Variants in AGBL1 observed in about 807,000 individuals in gnomAD.
The protein encoded by AGBL1 is cytosolic carboxypeptidase 4.
AGBL1 carries 130 observed loss-of-function variants against 118.9 expected under a neutral mutation model. The ratio of observed to expected loss-of-function variants is 1.09; its 90% CI spans 0.95 to 1.26. The LOEUF is 1.26. Among genes scored for constraint, AGBL1 ranks in the 50% most tolerant of loss-of-function variants. AGBL1 has a pLI of 0.00. For synonymous variants in AGBL1, 555 were observed against 478.9 expected, an observed-to-expected ratio of 1.16 and a Z score of -2.08; for missense variants, 1,584 against 1,298.1, an observed-to-expected ratio of 1.22 and a Z score of -3.38.
At chr15:86,506,469 C>T (rs542265135) in intron 18 of AGBL1, among the ~76,000 whole-genome samples, 5 of 152,044 alleles carry the variant, frequency 3.3e-5, no homozygotes, top group East Asian at 3.9e-4. Context: ...TGTTTCCATT[C>T]GGGAAGATTT....
chr15:86,120,951 C>T (rs1898059836), intron 1 of AGBL1, among the ~76,000 whole-genome samples: 1 of 151,308 alleles, frequency 6.6e-6, no homozygotes, highest in Non-Finnish European at 1.5e-5. Context: ...GGCTGGAGTG[C>T]AGTGGCATGA....
intron 5 of AGBL1, among the ~76,000 whole-genome samples, chr15:86,223,714 G>T (rs930447924): frequency 2.6e-5 from 4 of 152,160 alleles, no homozygotes; most frequent in Admixed American, 1.3e-4. Flanking sequence ...TTGCACAGGG[G>T]CCTGTGAATT....
rs189755496 is a variant in AGBL1, at chr15:86,213,013, C to T, written c.489-11901C>T. Among the ~76,000 whole-genome samples the T allele has an allele frequency of 2.9e-4, 44 of 152,252 alleles. 1 individual carries two copies. The East Asian group carries it at 8.3e-3, about 29-fold the overall frequency. On this transcript the variant is annotated intron_variant, in intron 5 of 22. Coordinates refer to ENST00000614907, the MANE Select transcript of AGBL1 (RefSeq NM_001386094.1). ...TAATGACGATCTTAATTTCTAAACA[C>T]TACAAGGATTCTGGGAATCATAAAT...
chr15:86,528,049 G>A (rs2083290518), intron 19 of AGBL1, among the ~76,000 whole-genome samples: 2 of 152,194 alleles, frequency 1.3e-5, no homozygotes, highest in South Asian at 4.1e-4. Context: ...GGTGCTACGT[G>A]TCAGGGATAC....
intron 18 of AGBL1, among the ~76,000 whole-genome samples, chr15:86,412,734 A>G (rs538168139): frequency 1.3e-5 from 2 of 152,314 alleles, no homozygotes; most frequent in Admixed American, 6.5e-5. Context: ...CAAAATTTAG[A>G]CACAGTTACT....
rs1348888015 is a variant in AGBL1, at chr15:86,827,304, T to TATATATACATATATAC, written c.3159-79776_3159-79775insCATATATACATATATA. Among the ~76,000 whole-genome samples, 2 of 12,026 alleles carry TATATATACATATATAC rather than the reference T, an allele frequency of 1.7e-4. 1 individual carries two copies. Among genetic ancestry groups the TATATATACATATATAC allele is most frequent in the East Asian group, 0.14 (2 of 14 alleles). The allele number at this position is 12,026 out of a possible 152,430, so 7.9% of individuals were successfully genotyped here. ...ATGGGTGTGTATGTATATATATATG[T>TATATATACATATATAC]ATATATATATATACACACACATATA... On this transcript the variant is annotated intron_variant, in intron 22 of 22. Transcript: ENST00000614907.
chr15:86,947,852 T>C (rs561696531), intron 23 of AGBL1, among the ~76,000 whole-genome samples: 1 of 152,338 alleles, frequency 6.6e-6, no homozygotes, highest in Admixed American at 6.5e-5. Context: ...TTTTTTCCTT[T>C]AGATTTTACA....
At chr15:86,201,792 T>G (rs895257967) in intron 5 of AGBL1, among the ~76,000 whole-genome samples, 1 of 152,206 alleles carries the variant, frequency 6.6e-6, no homozygotes, top group Non-Finnish European at 1.5e-5. Context: ...GGAGCTTCAG[T>G]AACTGAATCT....
chr15:86,675,179 G>A (rs1384152392), intron 22 of AGBL1, among the ~76,000 whole-genome samples: 1 of 152,172 alleles, frequency 6.6e-6, no homozygotes, highest in Non-Finnish European at 1.5e-5. Context: ...CCCACACTTT[G>A]AGTGTCAGAA....
At chr15:86,683,497 A>G (rs1017630492) in intron 22 of AGBL1, among the ~76,000 whole-genome samples, 4 of 152,126 alleles carry the variant, frequency 2.6e-5, no homozygotes, top group African/African-American at 9.7e-5. Flanking sequence ...AATAATGCCT[A>G]TTTTACAAGT....
At chr15:86,845,220 C>T (rs962116955) in intron 22 of AGBL1, among the ~76,000 whole-genome samples, 2 of 152,018 alleles carry the variant, frequency 1.3e-5, no homozygotes, top group Non-Finnish European at 2.9e-5. Flanking sequence ...TATATCACTT[C>T]GAATGTATAA....
At chr15:86,436,866 C>T (rs1378959719) in intron 18 of AGBL1, among the ~76,000 whole-genome samples, 1 of 152,088 alleles carries the variant, frequency 6.6e-6, no homozygotes, top group Non-Finnish European at 1.5e-5. Context: ...AACTACAGGG[C>T]AATAAAGAGT....
At chr15:86,766,212 C>A (rs906794601) in intron 22 of AGBL1, among the ~76,000 whole-genome samples, 1 of 151,882 alleles carries the variant, frequency 6.6e-6, no homozygotes, top group African/African-American at 2.4e-5. Context: ...AAGAGTCAAA[C>A]CCAAGTGGTG....
chr15:86,256,771 C>A, intron 7 of AGBL1, 82 bp from the exon 8 acceptor site: 1 of 1,435,816 alleles, frequency 7.0e-7, no homozygotes, highest in Non-Finnish European at 9.5e-7. Context: ...TGTGTTACAG[C>A]TTGGAGAGTG....
chr15:86,206,268 A>G (rs1403395777), intron 5 of AGBL1, among the ~76,000 whole-genome samples: 1 of 152,226 alleles, frequency 6.6e-6, no homozygotes, highest in Non-Finnish European at 1.5e-5. Context: ...ATGTTGCATT[A>G]AACATACATG....
chr15:86,355,948 G>C lies in AGBL1; in HGVS notation c.2375-41418G>C, dbSNP rs1479024520. 2.6e-5 allele frequency among the ~76,000 whole-genome samples: 4 copies of C among 152,144 alleles called. No individual in the cohort carries two copies. The East Asian group carries it at 7.7e-4, about 29-fold the overall frequency. On this transcript the variant is annotated intron_variant, in intron 17 of 22. Coordinates refer to ENST00000614907, the MANE Select transcript of AGBL1 (RefSeq NM_001386094.1). ...ATAAGAATTTAATGATGCACTCATGGGAGCCACCACTCTGCTTGCCTGTCT... is the reference window on the plus strand; with the variant it reads ...ATAAGAATTTAATGATGCACTCATGCGAGCCACCACTCTGCTTGCCTGTCT...
intron 17 of AGBL1, among the ~76,000 whole-genome samples, chr15:86,332,778 C>A (rs2080294987): frequency 6.6e-6 from 1 of 151,966 alleles, no homozygotes; most frequent in Non-Finnish European, 1.5e-5. Flanking sequence ...ACAGAGTATA[C>A]TCCAAGATCG....
intron 18 of AGBL1, among the ~76,000 whole-genome samples, chr15:86,486,812 C>T (rs560058975): frequency 5.7e-4 from 86 of 152,092 alleles, no homozygotes; most frequent in Non-Finnish European, 9.9e-4. Flanking sequence ...CTCAGCTGTG[C>T]CCATCTACAT....
At chr15:86,674,143 C>G in intron 21 of AGBL1, 130 bp from the exon 22 acceptor site, 1 of 905,382 alleles carries the variant, frequency 1.1e-6, no homozygotes, top group Admixed American at 2.4e-5. Context: ...TGGACAGTGA[C>G]TGACAAATAC....
Sources: gnomAD v4.1 joint callset for allele counts (sites outside exome capture counted in the v4.1 genomes callset) on GRCh38, gnomAD v4.1.1 for gene constraint, MANE v1.5 for transcripts, NCBI Gene and HGNC (gene_info 2026-07-23, HGNC 2026-07-21) for gene names.